Variants in KLHL13 observed in about 807,000 individuals in gnomAD.
KLHL13 encodes the protein kelch-like protein 13.
Under a neutral mutation model 37.1 loss-of-function variants are expected in KLHL13, and 10 were observed. That is an observed-to-expected ratio of 0.27 (90% CI 0.17 to 0.46). The LOEUF is 0.46. KLHL13 is among the 20% of genes least tolerant of loss of function. The probability of loss-of-function intolerance (pLI) is 1.00; values close to 1 mark genes in which losing one functional copy is unlikely to be tolerated. For synonymous variants in KLHL13, 163 were observed against 181.2 expected (o/e 0.90, Z 0.81); for missense variants, 360 against 509.3 (o/e 0.71, Z 2.82).
chrX:117,908,070 T>C (rs1435021330), intron 5 of KLHL13, among the ~76,000 whole-genome samples: 1 of 71,380 alleles, frequency 1.4e-5, no homozygotes, highest in Non-Finnish European at 2.5e-5. Flanking sequence ...AAGGACATTA[T>C]TTATTTATTT....
rs748517965 is a variant in KLHL13, at chrX:118,014,038, T to C, written c.-55-68463A>G. On this transcript the variant is annotated intron_variant, in intron 1 of 6. Coordinates refer to the KLHL13 transcript ENST00000371882. ...ACTATTGTACAAATTGATTGTAAAA[T>C]ATGTGTGTTTGAACAATATTAAATC... 9.7e-4 allele frequency among the ~76,000 whole-genome samples: 109 copies of C among 112,117 alleles called. 1 individual carries two copies. The highest frequency in any genetic ancestry group is 3.6e-4 in the Non-Finnish European group (19 of 53,249).
chrX:118,025,683 C>A (rs1352183811), intron 1 of KLHL13, among the ~76,000 whole-genome samples: 4 of 111,933 alleles, frequency 3.6e-5, no homozygotes, highest in African/African-American at 9.7e-5. Flanking sequence ...CCAGAACACA[C>A]GTTTTAACTA....
chrX:117,938,161 T>C (rs140646192), intron 2 of KLHL13, among the ~76,000 whole-genome samples: 96 of 112,166 alleles, frequency 8.6e-4, no homozygotes, highest in African/African-American at 2.5e-3. Context: ...TACTTTTTTT[T>C]AGTATCTTAT....
chrX:118,077,941 ACATT>A (rs1240348665), intron 1 of KLHL13, among the ~76,000 whole-genome samples: 1 of 112,354 alleles, frequency 8.9e-6, no homozygotes, highest in Non-Finnish European at 1.9e-5. Flanking sequence ...ACAGATGCAG[ACATT>A]ATTATAAGTT....
At chrX:118,098,749 A>G (rs1789459960) in intron 1 of KLHL13, among the ~76,000 whole-genome samples, 1 of 106,510 alleles carries the variant, frequency 9.4e-6, no homozygotes, top group African/African-American at 3.4e-5. Context: ...GCAGCCATAA[A>G]AAATGATGAG....
chrX:118,064,733 G>A (rs2054778388), intron 1 of KLHL13, among the ~76,000 whole-genome samples: 1 of 111,809 alleles, frequency 8.9e-6, no homozygotes, highest in African/African-American at 3.2e-5. Flanking sequence ...AGAAGAAACT[G>A]TAGAGTCACA....
At chrX:117,925,255 T>C (rs1422535401) in intron 2 of KLHL13, among the ~76,000 whole-genome samples, 1 of 112,092 alleles carries the variant, frequency 8.9e-6, no homozygotes, top group Admixed American at 9.4e-5. Context: ...AGGAATTTGA[T>C]AAACAAATAA....
intron 5 of KLHL13, among the ~76,000 whole-genome samples, chrX:117,908,066 A>ATTTAT (rs1930669032): frequency 1.0e-5 from 1 of 99,219 alleles, no homozygotes; most frequent in Non-Finnish European, 2.0e-5. Flanking sequence ...CTACAAGGAC[A>ATTTAT]TTATTTATTT....
At chrX:118,086,901 C>G (rs1362784528) in intron 1 of KLHL13, among the ~76,000 whole-genome samples, 1 of 110,741 alleles carries the variant, frequency 9.0e-6, no homozygotes, top group East Asian at 2.8e-4. Context: ...TGTGTTAGTC[C>G]TATATGTACC....
chrX:117,903,121 A>G (rs972607972), intron 5 of KLHL13, among the ~76,000 whole-genome samples: 4 of 102,379 alleles, frequency 3.9e-5, no homozygotes, highest in African/African-American at 1.5e-4. Flanking sequence ...AAAAAATAAC[A>G]TGGTGACAGG....
intron 1 of KLHL13, among the ~76,000 whole-genome samples, chrX:117,990,443 GA>G (rs2053775435): frequency 8.9e-6 from 1 of 111,793 alleles, no homozygotes; most frequent in Admixed American, 9.4e-5. Context: ...CTAGGCCAGG[GA>G]ATATTGAAAA....
At chrX:118,029,570 T>C (rs2054313218) in intron 1 of KLHL13, among the ~76,000 whole-genome samples, 1 of 112,306 alleles carries the variant, frequency 8.9e-6, no homozygotes, top group African/African-American at 3.2e-5. Flanking sequence ...GTTTCAGATA[T>C]ATTGGGAAGC....
chrX:118,032,467 C>G (rs767191935), intron 1 of KLHL13, among the ~76,000 whole-genome samples: 102 of 111,908 alleles, frequency 9.1e-4, no homozygotes, highest in Non-Finnish European at 1.5e-3. Flanking sequence ...GGAGGCACCC[C>G]CCAGCAGGGG....
chrX:117,984,458 A>C (rs1436737828), intron 1 of KLHL13, among the ~76,000 whole-genome samples: 1 of 111,576 alleles, frequency 9.0e-6, no homozygotes, highest in African/African-American at 3.2e-5. Context: ...TCTCACAAGC[A>C]CTACTGCATT....
chrX:117,952,805 T>C (rs1933694769), intron 1 of KLHL13, among the ~76,000 whole-genome samples: 1 of 107,614 alleles, frequency 9.3e-6, no homozygotes, highest in African/African-American at 3.4e-5. Context: ...CATGAAAAAA[T>C]GCTCATCATC....
intron 5 of KLHL13, among the ~76,000 whole-genome samples, chrX:117,903,078 G>C (rs1247283052): frequency 9.4e-6 from 1 of 106,576 alleles, no homozygotes; most frequent in Non-Finnish European, 1.9e-5. Flanking sequence ...CAATCCTGAT[G>C]AATCAACCTT....
chrX:117,966,774 A>C (rs1388018124), intron 1 of KLHL13, among the ~76,000 whole-genome samples: 1 of 111,811 alleles, frequency 8.9e-6, no homozygotes, highest in Non-Finnish European at 1.9e-5. Flanking sequence ...CAGCTATCTG[A>C]TCTTTGACAA....
At chrX:118,085,410 G>A (rs2055042023) in intron 1 of KLHL13, among the ~76,000 whole-genome samples, 1 of 110,768 alleles carries the variant, frequency 9.0e-6, no homozygotes. Context: ...TAGAACAAAT[G>A]GGATGAGTAA....
At chrX:118,044,409 C>T (rs1319150713) in intron 1 of KLHL13, among the ~76,000 whole-genome samples, 1 of 88,934 alleles carries the variant, frequency 1.1e-5, no homozygotes, top group Non-Finnish European at 2.2e-5. Flanking sequence ...CACAAAAGAC[C>T]AGAATTGCCA....
Sources: gnomAD v4.1 joint callset for allele counts (sites outside exome capture counted in the v4.1 genomes callset) on GRCh38, gnomAD v4.1.1 for gene constraint, MANE v1.5 for transcripts, NCBI Gene and HGNC (gene_info 2026-07-23, HGNC 2026-07-21) for gene names.